Variants in SLC4A4 observed in about 807,000 individuals in gnomAD.
SLC4A4 encodes the protein solute carrier family 4 member 4, also known as electrogenic sodium bicarbonate cotransporter 1.
Under a neutral mutation model 111.5 loss-of-function variants are expected in SLC4A4, and 27 were observed. That is an observed-to-expected ratio of 0.24 (90% confidence interval 0.18 to 0.33). The LOEUF is 0.33. SLC4A4 is among the 10% of genes least tolerant of loss of function. SLC4A4 has a pLI of 1.00. For synonymous variants in SLC4A4, 443 were observed against 463.4 expected (o/e 0.96, Z 0.57); for missense variants, 909 against 1,315.5 (o/e 0.69, Z 4.78).
intron 12 of SLC4A4, among the ~76,000 whole-genome samples, chr4:71,458,239 A>G (rs1446988338): frequency 6.6e-6 from 1 of 152,084 alleles, no homozygotes; most frequent in Non-Finnish European, 1.5e-5. Context: ...AATGGAACCT[A>G]TGCAAATTAA....
chr4:71,560,592 A>G (rs954693066), intron 23 of SLC4A4, among the ~76,000 whole-genome samples: 7 of 151,822 alleles, frequency 4.6e-5, no homozygotes, highest in Non-Finnish European at 1.0e-4. Flanking sequence ...GTTTCTATTA[A>G]TAACCCAGGG....
intron 25 of SLC4A4, 134 bp from the exon 26 acceptor site, chr4:71,567,654 A>G: frequency 2.0e-6 from 1 of 498,986 alleles, no homozygotes; most frequent in Non-Finnish European, 3.5e-6. Context: ...TTTGTTTTTA[A>G]TACACAAAGA....
chr4:71,478,831 T>C (rs911254826), intron 14 of SLC4A4, among the ~76,000 whole-genome samples: 3 of 151,802 alleles, frequency 2.0e-5, no homozygotes, highest in Non-Finnish European at 4.4e-5. Flanking sequence ...TGTATTGTTT[T>C]TTAAAATAGT....
chr4:71,261,375 A>G (rs1171857268), intron 3 of SLC4A4, among the ~76,000 whole-genome samples: 2 of 152,174 alleles, frequency 1.3e-5, no homozygotes, highest in Non-Finnish European at 2.9e-5. Flanking sequence ...TACAGGAAGG[A>G]TCTCTTTCTG....
Position 71,069,278 on chromosome 4 carries a change from A to C in SLC4A4, c.-65+6490A>C, listed in dbSNP as rs1468607624. On this transcript the variant is annotated intron_variant, in intron 1 of 26. Coordinates refer to the SLC4A4 transcript ENST00000649996. Reference sequence around the variant, plus strand: ...TTTAAAGAAACTTTACAAGGATTAGACTTTGTACTTTTCTGCCTTTCTATG... The same window carrying C: ...TTTAAAGAAACTTTACAAGGATTAGCCTTTGTACTTTTCTGCCTTTCTATG... Among the ~76,000 whole-genome samples the C allele has an allele frequency of 3.3e-5, 5 of 152,318 alleles. No individual in the cohort carries two copies. In the East Asian group the frequency reaches 9.6e-4, roughly 29 times the overall value.
chr4:71,442,536 G>A (rs954499314), intron 8 of SLC4A4, among the ~76,000 whole-genome samples: 3 of 152,122 alleles, frequency 2.0e-5, no homozygotes, highest in Non-Finnish European at 4.4e-5. Context: ...GTAATGTGGG[G>A]TCATTTACAG....
chr4:71,303,242 A>G (rs1271557841), intron 3 of SLC4A4, among the ~76,000 whole-genome samples: 4 of 152,218 alleles, frequency 2.6e-5, no homozygotes, highest in Non-Finnish European at 5.9e-5. Flanking sequence ...AGAGGAGTTT[A>G]TTGATTACTC....
At chr4:71,224,999 C>G (rs945053284) in intron 1 of SLC4A4, among the ~76,000 whole-genome samples, 1 of 152,132 alleles carries the variant, frequency 6.6e-6, no homozygotes, top group Non-Finnish European at 1.5e-5. Flanking sequence ...ATAATCATCA[C>G]GAAGTATTTA....
At position 71,101,087 on chromosome 4, in the gene SLC4A4, A is replaced by G. The variant is rs547446619; in HGVS notation, c.-2+8295A>G. Among the ~76,000 whole-genome samples the G allele has an allele frequency of 3.9e-5, 6 of 152,024 alleles. No homozygotes were observed. The South Asian group carries it at 1.3e-3, about 32-fold the overall frequency. Reference sequence around the variant, plus strand: ...ATCCTGGCTAACACGGTGAAACCCCATCTCTACTAAAAGTACAAAAAATTA... The same window carrying G: ...ATCCTGGCTAACACGGTGAAACCCCGTCTCTACTAAAAGTACAAAAAATTA... On this transcript the variant is annotated intron_variant, in intron 2 of 26. Transcript: ENST00000649996.
intron 20 of SLC4A4, among the ~76,000 whole-genome samples, chr4:71,551,656 A>G (rs1736006200): frequency 6.6e-6 from 1 of 151,930 alleles, no homozygotes; most frequent in South Asian, 2.1e-4. Flanking sequence ...AGGGTTTACA[A>G]CCATTTAAAA....
chr4:71,196,477 T>A (rs1746005357), intron 1 of SLC4A4, among the ~76,000 whole-genome samples: 1 of 152,084 alleles, frequency 6.6e-6, no homozygotes, highest in African/African-American at 2.4e-5. Context: ...GAAAATATAG[T>A]TCAAACACTT....
chr4:71,431,660 C>T lies in SLC4A4; in HGVS notation c.808-8956C>T, dbSNP rs185412535. 1.5e-4 allele frequency among the ~76,000 whole-genome samples: 22 copies of T among 151,524 alleles called. 1 individual carries two copies. In the East Asian group the frequency reaches 3.9e-3, roughly 27 times the overall value. Reference sequence around the variant, plus strand: ...TATGTGCAGAGCTGCTGTTCAGGCACCACACATTTTTATTTTAGAATAGCT... The same window carrying T: ...TATGTGCAGAGCTGCTGTTCAGGCATCACACATTTTTATTTTAGAATAGCT... On this transcript the variant is annotated intron_variant, in intron 7 of 25. Coordinates refer to ENST00000264485, the MANE Select transcript of SLC4A4 (RefSeq NM_001098484.3).
chr4:71,130,911 C>T (rs1743684097), intron 2 of SLC4A4, among the ~76,000 whole-genome samples: 1 of 152,148 alleles, frequency 6.6e-6, no homozygotes, highest in Non-Finnish European at 1.5e-5. Flanking sequence ...TGTGTGAAGG[C>T]AGTCATGGTG....
chr4:71,267,655 G>T (rs1279844068), intron 3 of SLC4A4, among the ~76,000 whole-genome samples: 1 of 151,856 alleles, frequency 6.6e-6, no homozygotes, highest in Non-Finnish European at 1.5e-5. Flanking sequence ...TTAGCTGGGT[G>T]TGGCAGTGTG....
At chr4:71,117,238 C>T (rs1743294093) in intron 2 of SLC4A4, among the ~76,000 whole-genome samples, 1 of 152,100 alleles carries the variant, frequency 6.6e-6, no homozygotes, top group Non-Finnish European at 1.5e-5. Flanking sequence ...GCCTTGGCCT[C>T]CTAAAGTGCT....
intron 2 of SLC4A4, among the ~76,000 whole-genome samples, chr4:71,154,518 A>G (rs1010308683): frequency 2.0e-5 from 3 of 151,928 alleles, no homozygotes; most frequent in Admixed American, 2.0e-4. Flanking sequence ...GCAGTAAAGA[A>G]TTACCTGCCC....
At chr4:71,337,264 G>T (rs902123188) in intron 3 of SLC4A4, among the ~76,000 whole-genome samples, 55 of 152,134 alleles carry the variant, frequency 3.6e-4, no homozygotes, top group African/African-American at 1.3e-3. Flanking sequence ...TGACTGAAAT[G>T]TACACATATC....
chr4:71,101,517 G>A (rs974159698), intron 2 of SLC4A4, among the ~76,000 whole-genome samples: 5 of 152,078 alleles, frequency 3.3e-5, no homozygotes, highest in African/African-American at 1.2e-4. Context: ...GAAATCCTTT[G>A]ATTTAAAGTC....
chr4:71,214,671 A>G (rs1560784743), intron 1 of SLC4A4, among the ~76,000 whole-genome samples: 2 of 152,354 alleles, frequency 1.3e-5, no homozygotes, highest in East Asian at 1.9e-4. Flanking sequence ...TGGTGAAATA[A>G]TAGATTTATT....
Sources: allele counts gnomAD v4.1 joint callset (sites outside exome capture counted in the v4.1 genomes callset), GRCh38; gene constraint gnomAD v4.1.1; transcripts MANE v1.5; gene names NCBI Gene and HGNC (gene_info 2026-07-23, HGNC 2026-07-21).